The following NCKAP5 variants were observed in gnomAD, a reference collection of about 807,000 sequenced individuals.
NCKAP5 encodes nck-associated protein 5.
A neutral mutation model predicts 167.0 loss-of-function variants in NCKAP5; 92 were observed. The observed-to-expected ratio is 0.55, with a 90% confidence interval of 0.47 to 0.66. The LOEUF (loss-of-function observed/expected upper bound fraction) is 0.66. Among genes scored for constraint, NCKAP5 ranks in the 30% least tolerant of loss-of-function variants. The probability of loss-of-function intolerance (pLI) is 0.00; values close to 1 mark genes in which losing one functional copy is unlikely to be tolerated. For missense variants in NCKAP5, 2,378 were observed against 2,315.0 expected, an observed-to-expected ratio of 1.03 and a Z score of -0.56; for synonymous variants, 891 against 877.4, an observed-to-expected ratio of 1.02 and a Z score of -0.27.
the NCKAP5 span, among the ~76,000 whole-genome samples, chr2:133,610,420 C>T: frequency 2.6e-5 from 4 of 152,142 alleles, no homozygotes; most frequent in South Asian, 6.2e-4. Flanking sequence ...GACAATTTCT[C>T]AACTCAGGGC....
Position 133,115,772 on chromosome 2 carries a change from T to A in NCKAP5, c.341+14206A>T, listed in dbSNP as rs1256000715. On this transcript the variant is annotated intron_variant, in intron 6 of 19. Coordinates refer to ENST00000409261, the MANE Select transcript of NCKAP5 (RefSeq NM_207363.3). ...AGGTAAATTGAAGTATATATGTGTG[T>A]GTGTATATATATATATATATATATA... Among the ~76,000 whole-genome samples the A allele has an allele frequency of 3.9e-5, 3 of 77,858 alleles. No individual in the cohort carries two copies. In the East Asian group the frequency reaches 1.9e-3, roughly 48 times the overall value. The allele number at this position is 77,858 out of a possible 152,430, so 51.1% of individuals were successfully genotyped here.
chr2:133,129,821 C>T, intron 6 of NCKAP5, 157 bp downstream of exon 6: 2 of 780,968 alleles, frequency 2.6e-6, no homozygotes, highest in Non-Finnish European at 3.7e-6. Flanking sequence ...GGTCTGAATG[C>T]CATAGGATGC....
chr2:133,195,607 A>G (rs1175527601), intron 5 of NCKAP5, among the ~76,000 whole-genome samples: 1 of 152,212 alleles, frequency 6.6e-6, no homozygotes, highest in Admixed American at 6.6e-5. Flanking sequence ...TAACTAGTGT[A>G]GAAATCAAGA....
intron 2 of NCKAP5, among the ~76,000 whole-genome samples, chr2:133,557,135 A>G (rs1174960584): frequency 6.6e-6 from 1 of 152,222 alleles, no homozygotes; most frequent in African/African-American, 2.4e-5. Context: ...TGGTGCTGAT[A>G]ATGCTCCTGG....
rs532905267 is a variant in NCKAP5 at position 132,878,679 on chromosome 2, G to A, written c.648+169C>T. Among the ~76,000 whole-genome samples, 65 of 147,322 alleles carry A rather than the reference G, an allele frequency of 4.4e-4. 1 individual carries two copies. The highest frequency in any genetic ancestry group is 6.9e-3 in the Middle Eastern group (2 of 290). On this transcript the variant is annotated intron_variant, in intron 9 of 19. Coordinates refer to ENST00000409261, the MANE Select transcript of NCKAP5 (RefSeq NM_207363.3). ...ACGCACGCATACACACACACACACCGCCCACACACACACACTTCCTTTTCA... is the reference window on the plus strand; with the variant it reads ...ACGCACGCATACACACACACACACCACCCACACACACACACTTCCTTTTCA...
intron 7 of NCKAP5, among the ~76,000 whole-genome samples, chr2:132,987,529 C>A (rs762082184): frequency 6.6e-6 from 1 of 152,024 alleles, no homozygotes; most frequent in Non-Finnish European, 1.5e-5. Context: ...TCAGTTAGAT[C>A]ACTTTAAATG....
chr2:133,457,538 A>T (rs866891663), intron 3 of NCKAP5, among the ~76,000 whole-genome samples: 46 of 152,290 alleles, frequency 3.0e-4, no homozygotes, highest in African/African-American at 1.1e-3. Context: ...TGAGTGTAAA[A>T]TATTTAAGAT....
At chr2:132,811,169 C>T (rs766610624) in intron 11 of NCKAP5, among the ~76,000 whole-genome samples, 6 of 152,014 alleles carry the variant, frequency 3.9e-5, no homozygotes, top group East Asian at 1.9e-4. Flanking sequence ...CTGGTGGAGG[C>T]GACAGGGGAA....
chr2:132,958,329 C>T (rs1452141677), intron 8 of NCKAP5, among the ~76,000 whole-genome samples: 1 of 152,104 alleles, frequency 6.6e-6, no homozygotes, highest in Non-Finnish European at 1.5e-5. Context: ...TAGGCACCTA[C>T]CCTAGACTAG....
At chr2:133,506,089 T>C (rs940338780) in intron 3 of NCKAP5, among the ~76,000 whole-genome samples, 26 of 152,312 alleles carry the variant, frequency 1.7e-4, no homozygotes, top group Middle Eastern at 3.4e-3. Context: ...TACGCAGTTC[T>C]AATGCAGTGA....
At chr2:132,969,722 G>C (rs547021679) in intron 7 of NCKAP5, among the ~76,000 whole-genome samples, 5 of 152,136 alleles carry the variant, frequency 3.3e-5, no homozygotes, top group African/African-American at 1.2e-4. Context: ...TGCAGGTACT[G>C]CTGATGTGCT....
At chr2:132,729,021 G>A (rs963534343) in intron 17 of NCKAP5, 69 bp from the exon 18 acceptor site, 280 of 1,582,496 alleles carry the variant, frequency 1.8e-4, no homozygotes, top group South Asian at 1.7e-4. Context: ...TAGGGAAGGA[G>A]GTGGGGGAGA....
At chr2:133,356,451 A>G (rs1028487468) in intron 3 of NCKAP5, among the ~76,000 whole-genome samples, 7 of 152,202 alleles carry the variant, frequency 4.6e-5, no homozygotes, top group Non-Finnish European at 8.8e-5. Flanking sequence ...CTTTCCCTAC[A>G]GCTCTGCTGT....
At position 132,774,489 on chromosome 2, in the gene NCKAP5, G is replaced by T. The variant is rs149325966; in HGVS notation, c.5050-595C>A. 8.0e-3 allele frequency among the ~76,000 whole-genome samples: 1,147 copies of T among 143,994 alleles called. 15 individuals carry two copies. Among genetic ancestry groups the T allele is most frequent in the African/African-American group, 0.028 (1,094 of 38,780 alleles). 94.5% of individuals were successfully genotyped at this position (143,994 alleles called of 152,430 possible). ...GTCATTTATCTAGATATTTTTTTTT[G>T]AGCCAAAAACATTCCCTCTTATATT... On this transcript the variant is annotated intron_variant, in intron 15 of 19. Coordinates refer to ENST00000409261, the MANE Select transcript of NCKAP5 (RefSeq NM_207363.3).
chr2:132,786,109 G>A (rs1327973038), intron 13 of NCKAP5, among the ~76,000 whole-genome samples: 1 of 152,180 alleles, frequency 6.6e-6, no homozygotes, highest in Non-Finnish European at 1.5e-5. Context: ...TATAGGAAAG[G>A]TATATATATT....
intron 3 of NCKAP5, among the ~76,000 whole-genome samples, chr2:133,418,618 C>T (rs1401976603): frequency 6.6e-6 from 1 of 152,130 alleles, no homozygotes; most frequent in East Asian, 1.9e-4. Context: ...CTTGCCTCTC[C>T]CAGGTCTACA....
At chr2:133,664,680 A>C in the NCKAP5 span, among the ~76,000 whole-genome samples, 1 of 152,088 alleles carries the variant, frequency 6.6e-6, no homozygotes, top group Non-Finnish European at 1.5e-5. Context: ...TTGTATTTTT[A>C]GTAGAGATGA....
the NCKAP5 span, among the ~76,000 whole-genome samples, chr2:133,582,193 T>G: frequency 1.3e-5 from 2 of 152,322 alleles, no homozygotes; most frequent in East Asian, 1.9e-4. Flanking sequence ...TCTCTAGACC[T>G]GCAGCACCAG....
the NCKAP5 span, among the ~76,000 whole-genome samples, chr2:133,619,048 C>T: frequency 2.2e-5 from 3 of 135,394 alleles, no homozygotes; most frequent in Non-Finnish European, 3.2e-5. Flanking sequence ...AGTAAACTAT[C>T]TCAAGAACAA....
Sources: gnomAD v4.1 joint callset for allele counts (sites outside exome capture counted in the v4.1 genomes callset) on GRCh38, gnomAD v4.1.1 for gene constraint, MANE v1.5 for transcripts, NCBI Gene and HGNC (gene_info 2026-07-23, HGNC 2026-07-21) for gene names.